The following PIP5K1B variants were observed in gnomAD, a reference collection of about 807,000 sequenced individuals.
The protein encoded by PIP5K1B is phosphatidylinositol 4-phosphate 5-kinase type-1 beta.
PIP5K1B carries 42 observed loss-of-function variants against 67.0 expected under a neutral mutation model. The observed-to-expected ratio is 0.63, with a 90% CI of 0.49 to 0.81. The LOEUF (loss-of-function observed/expected upper bound fraction) is 0.81. Ranked by LOEUF, PIP5K1B falls within the 30% of genes least tolerant of loss-of-function variation. The pLI is 0.00. For synonymous variants in PIP5K1B, 214 were observed against 231.4 expected (o/e 0.92, Z 0.68); for missense variants, 459 against 646.3 (o/e 0.71, Z 3.14).
intron 1 of PIP5K1B, among the ~76,000 whole-genome samples, chr9:68,729,599 A>G (rs10869250): frequency 0.12 from 17,877 of 152,214 alleles, 1,153 homozygotes; most frequent in African/African-American, 0.14. Flanking sequence ...AGGTATGTGT[A>G]TAATTATACA....
intron 14 of PIP5K1B, among the ~76,000 whole-genome samples, chr9:68,949,577 A>G (rs952384879): frequency 1.3e-5 from 2 of 152,250 alleles, no homozygotes; most frequent in African/African-American, 4.8e-5. Flanking sequence ...TAGTAAGGAG[A>G]ACAGGACCTC....
chr9:68,846,409 A>G (rs1043896588), intron 4 of PIP5K1B, among the ~76,000 whole-genome samples: 1 of 152,220 alleles, frequency 6.6e-6, no homozygotes, highest in Admixed American at 6.5e-5. Context: ...CTTTCAGAAA[A>G]GACAGCTTGG....
chr9:68,860,819 G>T (rs952599762), intron 4 of PIP5K1B, among the ~76,000 whole-genome samples: 5 of 152,166 alleles, frequency 3.3e-5, no homozygotes, highest in African/African-American at 1.2e-4. Context: ...AGTGTAACTT[G>T]GGACTCTGGA....
chr9:68,979,693 C>T (rs973689179), intron 14 of PIP5K1B, among the ~76,000 whole-genome samples: 3 of 152,188 alleles, frequency 2.0e-5, no homozygotes, highest in African/African-American at 7.2e-5. Flanking sequence ...CTGTTTGAGT[C>T]TCTTCCTGCC....
At chr9:68,734,192 G>A (rs1025714935) in intron 1 of PIP5K1B, among the ~76,000 whole-genome samples, 4 of 152,048 alleles carry the variant, frequency 2.6e-5, no homozygotes, top group African/African-American at 9.7e-5. Flanking sequence ...ATATTTATTG[G>A]ACAATTTGAT....
intron 6 of PIP5K1B, among the ~76,000 whole-genome samples, chr9:68,885,657 G>A (rs1376484961): frequency 2.6e-5 from 4 of 151,226 alleles, no homozygotes; most frequent in Admixed American, 2.6e-4. Flanking sequence ...CATGCAGAGT[G>A]GTATAATGGA....
chr9:68,944,143 A>G (rs1401495245), intron 14 of PIP5K1B, among the ~76,000 whole-genome samples: 1 of 152,208 alleles, frequency 6.6e-6, no homozygotes, highest in Non-Finnish European at 1.5e-5. Context: ...GTGTTAGAGC[A>G]TGCAGATCAT....
chr9:68,845,221 C>T (rs150369777), intron 4 of PIP5K1B, among the ~76,000 whole-genome samples: 240 of 152,232 alleles, frequency 1.6e-3, no homozygotes, highest in African/African-American at 5.5e-3. Context: ...GATTGTGCTG[C>T]GTGTTGGTGA....
At chr9:69,001,076 TA>T (rs756272069) in intron 15 of PIP5K1B, among the ~76,000 whole-genome samples, 2 of 151,854 alleles carry the variant, frequency 1.3e-5, no homozygotes, top group Non-Finnish European at 2.9e-5. Context: ...TTTTTATTTT[TA>T]TTTTTTTTTT....
chr9:68,843,436 T>G (rs73457678), intron 4 of PIP5K1B, among the ~76,000 whole-genome samples: 1 of 152,360 alleles, frequency 6.6e-6, no homozygotes, highest in African/African-American at 2.4e-5. Flanking sequence ...ATTTGGGGGT[T>G]TTCCCCATTG....
chr9:68,863,315 C>A (rs545236374), intron 4 of PIP5K1B, among the ~76,000 whole-genome samples: 1 of 152,208 alleles, frequency 6.6e-6, no homozygotes, highest in African/African-American at 2.4e-5. Flanking sequence ...CACACTTCAC[C>A]GTAAAAAAAT....
chr9:68,864,019 G>A (rs1253562616), intron 5 of PIP5K1B, 52 bp downstream of exon 5: 9 of 1,571,848 alleles, frequency 5.7e-6, no homozygotes, highest in Non-Finnish European at 7.9e-6. Context: ...CCTTCTTTGT[G>A]ACAACCCCAT....
chr9:68,964,957 C>G (rs913603902), intron 14 of PIP5K1B, among the ~76,000 whole-genome samples: 13 of 152,208 alleles, frequency 8.5e-5, no homozygotes, highest in African/African-American at 3.1e-4. Flanking sequence ...GAAACCAGAC[C>G]TGCAGGCATG....
chr9:68,816,121 T>A (rs930648252), intron 2 of PIP5K1B, among the ~76,000 whole-genome samples: 4 of 152,148 alleles, frequency 2.6e-5, no homozygotes, highest in Non-Finnish European at 5.9e-5. Flanking sequence ...CACGATTTTT[T>A]TGTTTGTTTG....
chr9:68,779,995 G>A, intron 2 of PIP5K1B: 2 of 863,098 alleles, frequency 2.3e-6, no homozygotes, highest in Middle Eastern at 3.7e-4. Flanking sequence ...TTAAGCAGGC[G>A]CCGCGAGTAC....
intron 13 of PIP5K1B, 47 bp downstream of exon 13, chr9:68,935,092 A>C: frequency 6.6e-7 from 1 of 1,509,216 alleles, no homozygotes; most frequent in Non-Finnish European, 9.1e-7. Flanking sequence ...CTTGTGATTT[A>C]TTTATACAAG....
intron 15 of PIP5K1B, among the ~76,000 whole-genome samples, chr9:69,008,184 T>G (rs937996639): frequency 6.6e-6 from 1 of 152,208 alleles, no homozygotes; most frequent in Non-Finnish European, 1.5e-5. Flanking sequence ...TAGTCAGTGT[T>G]GCTTCCTTCC....
chr9:69,003,137 G>T (rs1830898356), intron 15 of PIP5K1B, among the ~76,000 whole-genome samples: 2 of 152,030 alleles, frequency 1.3e-5, no homozygotes, highest in South Asian at 2.1e-4. Context: ...TTTGACTAAC[G>T]TGGGCAGAGG....
chr9:68,992,995 A>G (rs1259375681), intron 15 of PIP5K1B, among the ~76,000 whole-genome samples: 1 of 151,794 alleles, frequency 6.6e-6, no homozygotes, highest in African/African-American at 2.4e-5. Flanking sequence ...CATCTGTACT[A>G]AAAATACAGA....
Sources: gnomAD v4.1 joint callset for allele counts (sites outside exome capture counted in the v4.1 genomes callset) on GRCh38, gnomAD v4.1.1 for gene constraint, MANE v1.5 for transcripts, NCBI Gene and HGNC (gene_info 2026-07-23, HGNC 2026-07-21) for gene names.